MARCHF3: variants seen among roughly 807,000 people sequenced by gnomAD.
MARCHF3 encodes membrane associated ring-CH-type finger 3.
MARCHF3 carries 13 observed loss-of-function variants against 24.2 expected under a neutral mutation model. The ratio of observed to expected loss-of-function variants is 0.54; its 90% CI spans 0.35 to 0.85. The LOEUF (loss-of-function observed/expected upper bound fraction) is 0.85. MARCHF3 is among the 40% of genes least tolerant of loss of function. The pLI is 0.01. For missense variants in MARCHF3, 276 were observed against 325.0 expected, an observed-to-expected ratio of 0.85 and a Z score of 1.16; for synonymous variants, 144 against 137.3, an observed-to-expected ratio of 1.05 and a Z score of -0.34.
chr5:126,998,849 A>G (rs922374710), intron 1 of MARCHF3, among the ~76,000 whole-genome samples: 3 of 152,206 alleles, frequency 2.0e-5, no homozygotes, highest in Non-Finnish European at 4.4e-5. Context: ...AAAAGCTCCA[A>G]TATGTCTGTG....
intron 4 of MARCHF3, among the ~76,000 whole-genome samples, chr5:126,876,930 A>G (rs1753180250): frequency 6.6e-6 from 1 of 152,204 alleles, no homozygotes; most frequent in African/African-American, 2.4e-5. Context: ...GATTACAGGC[A>G]TGAGCCACCG....
intron 1 of MARCHF3, among the ~76,000 whole-genome samples, chr5:126,983,920 A>G (rs1751477423): frequency 6.6e-6 from 1 of 152,202 alleles, no homozygotes; most frequent in Admixed American, 6.5e-5. Context: ...TCCAACATTG[A>G]GAAATTAACT....
chr5:126,950,456 C>G (rs773657541), intron 1 of MARCHF3, among the ~76,000 whole-genome samples: 8 of 152,222 alleles, frequency 5.3e-5, no homozygotes, highest in Non-Finnish European at 7.4e-5. Flanking sequence ...GCTTTCACTT[C>G]ATGGAGAAAA....
chr5:126,918,003 G>A lies in MARCHF3; in HGVS notation c.169C>T (p.Arg57Trp), dbSNP rs1256367261. The A allele has an allele frequency of 7.4e-6, 12 of 1,613,878 alleles. No individual in the cohort carries two copies. The highest frequency in any genetic ancestry group is 2.2e-5 in the South Asian group (2 of 91,062). ...KDGQLLSTVV[R>W]TLATQSPFND... The stretch of plus-strand genomic sequence containing the variant: ...TACTACCTCTGGGTGGCAAGAGTCC[G>A]CACTACTGTTGACAGCAGCTGCCCG... Residue 57 changes from arginine (R) to tryptophan (W), a missense_variant, in exon 2 of 5, where the codon CGG becomes TGG. Transcript: ENST00000308660.
intron 3 of MARCHF3, among the ~76,000 whole-genome samples, chr5:126,902,025 T>C (rs1202012671): frequency 6.6e-6 from 1 of 152,106 alleles, no homozygotes; most frequent in Non-Finnish European, 1.5e-5. Context: ...TGTCAACATT[T>C]GCTGTACTAA....
intron 3 of MARCHF3, among the ~76,000 whole-genome samples, chr5:126,911,138 A>C (rs1455903177): frequency 6.6e-6 from 1 of 152,200 alleles, no homozygotes; most frequent in Non-Finnish European, 1.5e-5. Flanking sequence ...TATCAATGAC[A>C]ATGCATGCCT....
chr5:126,892,523 T>C (rs1235874155), intron 3 of MARCHF3, among the ~76,000 whole-genome samples: 6 of 148,524 alleles, frequency 4.0e-5, no homozygotes, highest in Admixed American at 1.3e-4. Context: ...TGTCAAAGGC[T>C]TTTTCTGCAT....
At chr5:126,947,459 A>G (rs1215646630) in intron 1 of MARCHF3, among the ~76,000 whole-genome samples, 1 of 152,210 alleles carries the variant, frequency 6.6e-6, no homozygotes, top group African/African-American at 2.4e-5. Flanking sequence ...GGGCAGTGAA[A>G]ATGCTCTGGA....
At chr5:126,991,363 A>C (rs1428477482) in intron 1 of MARCHF3, among the ~76,000 whole-genome samples, 1 of 152,166 alleles carries the variant, frequency 6.6e-6, no homozygotes. Context: ...TCACTTGGAC[A>C]CAGGGAGGGG....
intron 1 of MARCHF3, among the ~76,000 whole-genome samples, chr5:126,931,300 G>C (rs1361162083): frequency 1.3e-5 from 2 of 152,178 alleles, no homozygotes; most frequent in African/African-American, 4.8e-5. Context: ...CAATGAACCA[G>C]CAGGAAACAG....
At chr5:126,889,614 C>T (rs1222566440) in intron 3 of MARCHF3, among the ~76,000 whole-genome samples, 1 of 152,096 alleles carries the variant, frequency 6.6e-6, no homozygotes, top group African/African-American at 2.4e-5. Context: ...GAAATTTCTT[C>T]CAAATAGAAG....
chr5:126,990,084 A>C (rs56179044), intron 1 of MARCHF3, among the ~76,000 whole-genome samples: 1 of 72 alleles, frequency 0.014, no homozygotes, highest in African/African-American at 0.12. Flanking sequence ...GCCCCCATTT[A>C]ACAAGACAAT....
chr5:126,949,732 T>C, intron 1 of MARCHF3, among the ~76,000 whole-genome samples: 1 of 152,250 alleles, frequency 6.6e-6, no homozygotes, highest in South Asian at 2.1e-4. Flanking sequence ...GCTAGGGAGT[T>C]GGGATCAGAG....
At chr5:126,925,647 C>T (rs1297529681) in intron 1 of MARCHF3, among the ~76,000 whole-genome samples, 1 of 152,202 alleles carries the variant, frequency 6.6e-6, no homozygotes, top group East Asian at 1.9e-4. Flanking sequence ...CTGAATTGCA[C>T]TTGTAAATAA....
intron 4 of MARCHF3, 84 bp downstream of exon 4, chr5:126,878,101 G>A: frequency 1.5e-6 from 2 of 1,373,636 alleles, no homozygotes; most frequent in South Asian, 2.5e-5. Context: ...GGTGAGATGT[G>A]TTACAGACAA....
At chr5:127,029,926 T>A (rs1479914865) in intron 1 of MARCHF3, 2 of 152,272 alleles carry the variant, frequency 1.3e-5, no homozygotes, top group African/African-American at 4.8e-5. Context: ...AGACCCACCT[T>A]GAGCCCGATG....
At chr5:126,985,774 C>T (rs1751545814) in intron 1 of MARCHF3, among the ~76,000 whole-genome samples, 1 of 152,164 alleles carries the variant, frequency 6.6e-6, no homozygotes, top group African/African-American at 2.4e-5. Context: ...TGCGCCCGGC[C>T]TACCTGGATG....
chr5:126,920,847 T>C (rs1458711516), intron 1 of MARCHF3, among the ~76,000 whole-genome samples: 2 of 152,232 alleles, frequency 1.3e-5, no homozygotes, highest in African/African-American at 4.8e-5. Flanking sequence ...TCATTTTATA[T>C]ATGTAATTTC....
chr5:126,909,471 C>G (rs113042745), intron 3 of MARCHF3, among the ~76,000 whole-genome samples: 9,303 of 152,284 alleles, frequency 0.061, 549 homozygotes, highest in African/African-American at 0.15. Flanking sequence ...CAATCAGCGA[C>G]ACTCCGTGGG....
Sources: allele counts gnomAD v4.1 joint callset (sites outside exome capture counted in the v4.1 genomes callset), GRCh38; gene constraint gnomAD v4.1.1; transcripts MANE v1.5; gene names NCBI Gene and HGNC (gene_info 2026-07-23, HGNC 2026-07-21).